The following ANK1 variants were observed in gnomAD, a reference collection of about 807,000 sequenced individuals.
ANK1 encodes the protein ankyrin 1, also known as ankyrin-1.
A neutral mutation model predicts 210.4 loss-of-function variants in ANK1; 51 were observed. That is an observed-to-expected ratio of 0.24 (90% CI 0.19 to 0.31). ANK1 has a LOEUF of 0.31. ANK1 is among the 10% of genes least tolerant of loss of function. ANK1 has a pLI of 1.00. For missense variants in ANK1, 2,051 were observed against 2,504.4 expected, an observed-to-expected ratio of 0.82 and a Z score of 3.86; for synonymous variants, 967 against 1,025.9, an observed-to-expected ratio of 0.94 and a Z score of 1.10.
At chr8:41,798,922 G>A (rs965227844), upstream of ANK1, among the ~76,000 whole-genome samples, 1 of 152,176 alleles carries the variant, frequency 6.6e-6, no homozygotes, top group African/African-American at 2.4e-5. Context: ...AACTGGCCTT[G>A]CCATGAGGGC....
intron 1 of ANK1, among the ~76,000 whole-genome samples, chr8:41,788,725 A>G (rs1329968447): frequency 6.6e-6 from 1 of 152,152 alleles, no homozygotes; most frequent in Non-Finnish European, 1.5e-5. Context: ...TAGAGGGGCA[A>G]TATTTTCACT....
At chr8:41,789,584 G>A (rs935813256) in intron 1 of ANK1, among the ~76,000 whole-genome samples, 1 of 152,260 alleles carries the variant, frequency 6.6e-6, no homozygotes, top group Non-Finnish European at 1.5e-5. Flanking sequence ...GTGTGGACGA[G>A]TTCACCTGCA....
At chr8:41,698,015 G>A in intron 24 of ANK1, 28 bp downstream of exon 24, 1 of 1,611,698 alleles carries the variant, frequency 6.2e-7, no homozygotes. Flanking sequence ...CCTCCATGTG[G>A]GGAAACCACA....
At chr8:41,821,909 G>A (rs534493069) in intron 1 of ANK1, among the ~76,000 whole-genome samples, 2 of 152,100 alleles carry the variant, frequency 1.3e-5, no homozygotes, top group South Asian at 2.1e-4. Context: ...TATTAGCCAG[G>A]CATGGTGGCG....
chr8:41,736,091 C>T (rs1422775974), intron 2 of ANK1, among the ~76,000 whole-genome samples: 2 of 152,182 alleles, frequency 1.3e-5, no homozygotes, highest in Non-Finnish European at 2.9e-5. Context: ...GGATTCTTCT[C>T]ACCCGGTGTC....
intron 2 of ANK1, among the ~76,000 whole-genome samples, chr8:41,756,131 T>G (rs2150709937): frequency 6.6e-6 from 1 of 152,176 alleles, no homozygotes; most frequent in East Asian, 1.9e-4. Flanking sequence ...GCATTTTATT[T>G]ATTTATTTAT....
At chr8:41,698,158 T>C in intron 23 of ANK1, 37 bp from the exon 24 acceptor site, 2 of 1,603,276 alleles carry the variant, frequency 1.2e-6, no homozygotes, top group Non-Finnish European at 1.7e-6. Flanking sequence ...ACAGGGCTGA[T>C]CCACATGTGC....
intron 1 of ANK1, among the ~76,000 whole-genome samples, chr8:41,774,512 G>A (rs1172943250): frequency 1.3e-5 from 2 of 152,184 alleles, no homozygotes; most frequent in Non-Finnish European, 2.9e-5. Flanking sequence ...CCAGGGCCAG[G>A]GCCGTGCTGC....
At chr8:41,674,631 T>C (rs1813577763) in intron 37 of ANK1, among the ~76,000 whole-genome samples, 1 of 152,218 alleles carries the variant, frequency 6.6e-6, no homozygotes, top group African/African-American at 2.4e-5. Flanking sequence ...ATTGCTAACA[T>C]GTACCTGTGT....
chr8:41,737,102 C>A (rs1434820923), intron 2 of ANK1, among the ~76,000 whole-genome samples: 1 of 152,172 alleles, frequency 6.6e-6, no homozygotes, highest in African/African-American at 2.4e-5. Context: ...AGTTCGAGAC[C>A]AGCCGGGACA....
In ANK1 at chr8:41,723,114, G is replaced by T. The variant is rs748268366; in HGVS notation, c.909+11C>A. On this transcript the variant is annotated intron_variant, in intron 9 of 42. Coordinates refer to ENST00000289734, the MANE Select transcript of ANK1 (RefSeq NM_000037.4). Reference sequence around the variant, plus strand: ...TCTAGAAAATGCGCCTGACAGGAAGGAAGTACACACCTTGGTTTTGGCTTG... The same window carrying T: ...TCTAGAAAATGCGCCTGACAGGAAGTAAGTACACACCTTGGTTTTGGCTTG... The T allele has an allele frequency of 1.2e-6, 2 of 1,613,680 alleles. No homozygotes were observed. The highest frequency in any genetic ancestry group is 1.7e-6 in the Non-Finnish European group (2 of 1,179,688).
At chr8:41,802,104 C>T (rs1186396900), upstream of ANK1, among the ~76,000 whole-genome samples, 2 of 152,184 alleles carry the variant, frequency 1.3e-5, no homozygotes, top group African/African-American at 2.4e-5. Context: ...ATTCTCCTGC[C>T]TCGGCCTCCC....
intron 33 of ANK1, among the ~76,000 whole-genome samples, chr8:41,688,858 T>A (rs1290618606): frequency 6.6e-6 from 1 of 152,230 alleles, no homozygotes; most frequent in Non-Finnish European, 1.5e-5. Flanking sequence ...CTATTTAATG[T>A]TCACGGCAAC....
At chr8:41,880,093 A>C (rs2150830822) in intron 1 of ANK1, among the ~76,000 whole-genome samples, 1 of 152,312 alleles carries the variant, frequency 6.6e-6, no homozygotes, top group Admixed American at 6.5e-5. Context: ...GGGAGCTGAG[A>C]ATGATTTTTA....
In ANK1 at chr8:41,758,008, A is replaced by T. The variant is rs530076682; in HGVS notation, c.129+28T>A. On this transcript the variant is annotated intron_variant, in intron 2 of 42. Transcript: ENST00000289734. ...ATCAGGCAAGAGCTACTCTTCAGAG[A>T]CAACAGGCCTGCCTCCATCCCACTT... The T allele has an allele frequency of 5.3e-5, 84 of 1,588,616 alleles. 1 individual carries two copies. The South Asian group carries it at 9.2e-4, about 17-fold the overall frequency.
chr8:41,739,521 C>CTTT (rs71239075), intron 2 of ANK1, among the ~76,000 whole-genome samples: 1 of 116,096 alleles, frequency 8.6e-6, no homozygotes, highest in Non-Finnish European at 1.8e-5. Context: ...TTTTTTCTTT[C>CTTT]TTTTTTTTTT....
At chr8:41,741,816 G>C (rs1439123118) in intron 2 of ANK1, among the ~76,000 whole-genome samples, 3 of 152,206 alleles carry the variant, frequency 2.0e-5, no homozygotes, top group Non-Finnish European at 2.9e-5. Context: ...GCTCTCTGCA[G>C]CCTTCTGCAT....
chr8:41,791,684 G>A (rs1847760293), intron 1 of ANK1, among the ~76,000 whole-genome samples: 1 of 152,150 alleles, frequency 6.6e-6, no homozygotes, highest in Non-Finnish European at 1.5e-5. Flanking sequence ...GCCCACCTCG[G>A]ACTCCCAAAG....
At chr8:41,658,940 G>A (rs551932032) in intron 42 of ANK1, among the ~76,000 whole-genome samples, 6 of 144,134 alleles carry the variant, frequency 4.2e-5, no homozygotes, top group Middle Eastern at 3.7e-3. Context: ...ATAAATAGTC[G>A]CTGTGAACAC....
Sources: allele counts gnomAD v4.1 joint callset (sites outside exome capture counted in the v4.1 genomes callset), GRCh38; gene constraint gnomAD v4.1.1; transcripts MANE v1.5; gene names NCBI Gene and HGNC (gene_info 2026-07-23, HGNC 2026-07-21).